The following PIK3C2G variants were observed in gnomAD, a reference collection of about 807,000 sequenced individuals.
The protein encoded by PIK3C2G is phosphatidylinositol 3-kinase C2 domain-containing subunit gamma.
A neutral mutation model predicts 181.1 loss-of-function variants in PIK3C2G; 168 were observed. The ratio of observed to expected loss-of-function variants is 0.93; its 90% CI spans 0.82 to 1.05. The LOEUF (loss-of-function observed/expected upper bound fraction) is 1.05. Ranked by LOEUF, PIK3C2G falls within the 50% of genes least tolerant of loss-of-function variation. The probability of loss-of-function intolerance (pLI) is 0.00; values close to 1 mark genes in which losing one functional copy is unlikely to be tolerated. For missense variants in PIK3C2G, 1,869 were observed against 1,732.8 expected, an observed-to-expected ratio of 1.08 and a Z score of -1.40; for synonymous variants, 573 against 592.2, an observed-to-expected ratio of 0.97 and a Z score of 0.47.
intron 29 of PIK3C2G, among the ~76,000 whole-genome samples, chr12:18,567,558 A>G (rs868799037): frequency 6.6e-6 from 1 of 151,956 alleles, no homozygotes; most frequent in South Asian, 2.1e-4. Flanking sequence ...TATGTGATAA[A>G]TGGACTATCA....
chr12:18,652,903 A>G (rs1950579049), downstream of PIK3C2G, among the ~76,000 whole-genome samples: 1 of 152,006 alleles, frequency 6.6e-6, no homozygotes, highest in Non-Finnish European at 1.5e-5. Context: ...ATATATGTAT[A>G]TGTTCAGAAT....
intron 1 of PIK3C2G, among the ~76,000 whole-genome samples, chr12:18,273,249 T>C (rs1948822746): frequency 6.6e-6 from 1 of 152,224 alleles, no homozygotes; most frequent in African/African-American, 2.4e-5. Flanking sequence ...CCATTGCTTG[T>C]TTTTGTCAGG....
At chr12:18,431,305 G>A (rs1946146299) in intron 18 of PIK3C2G, among the ~76,000 whole-genome samples, 3 of 152,132 alleles carry the variant, frequency 2.0e-5, no homozygotes, top group Admixed American at 2.0e-4. Context: ...ATAAAACAAA[G>A]GATGATCCTT....
intron 10 of PIK3C2G, among the ~76,000 whole-genome samples, chr12:18,345,272 A>G (rs1357507189): frequency 6.6e-6 from 1 of 152,104 alleles, no homozygotes; most frequent in African/African-American, 2.4e-5. Context: ...CTATTTTTAC[A>G]CTGCTTTACT....
intron 30 of PIK3C2G, among the ~76,000 whole-genome samples, chr12:18,595,695 C>T (rs906039416): frequency 6.6e-6 from 1 of 152,106 alleles, no homozygotes; most frequent in African/African-American, 2.4e-5. Flanking sequence ...CCACTTGTGA[C>T]CTGCACAGTC....
At chr12:18,527,605 T>C (rs1479118417) in intron 24 of PIK3C2G, among the ~76,000 whole-genome samples, 1 of 152,036 alleles carries the variant, frequency 6.6e-6, no homozygotes, top group Non-Finnish European at 1.5e-5. Flanking sequence ...GTTTCAAGTA[T>C]AGACTGGAAT....
Position 18,293,944 on chromosome 12 carries a change from T to G in PIK3C2G, c.963T>G (p.Phe321Leu). 1 of 1,597,764 alleles carries G rather than the reference T, an allele frequency of 6.3e-7. No homozygotes were observed. The highest frequency in any genetic ancestry group is 8.6e-7 in the Non-Finnish European group (1 of 1,165,358). The change falls in exon 5 of 33, where the codon TTT (phenylalanine) becomes TTG (leucine). Residue 321 changes from phenylalanine to leucine, a missense_variant. Transcript: ENST00000538779. ...ATCTAATTGCAGAAATTCTGCATTT[T>G]TGCACAAATGACCAGCTACTCCCCA... is the stretch of plus-strand genomic sequence containing the variant. ...VKDLIAEILH[F>L]CTNDQLLPKD... is the part of the protein sequence containing the mutation.
intron 18 of PIK3C2G, among the ~76,000 whole-genome samples, chr12:18,439,567 C>G (rs1015728007): frequency 2.0e-5 from 3 of 150,034 alleles, no homozygotes; most frequent in African/African-American, 7.4e-5. Context: ...TTCCCACCAA[C>G]TTTCTGAGCC....
the PIK3C2G span, among the ~76,000 whole-genome samples, chr12:18,681,490 A>G: frequency 6.6e-6 from 1 of 152,066 alleles, no homozygotes; most frequent in Admixed American, 6.6e-5. Flanking sequence ...AAATGTGAGA[A>G]CATTCCCTGA....
At chr12:18,719,308 C>T in the PIK3C2G span, 1 of 506,814 alleles carries the variant, frequency 2.0e-6, no homozygotes, top group Non-Finnish European at 3.2e-6. Flanking sequence ...ATTTCTATTC[C>T]CTATGAGTTT....
At chr12:18,698,283 T>TTCTAC in the PIK3C2G span, among the ~76,000 whole-genome samples, 6 of 151,566 alleles carry the variant, frequency 4.0e-5, no homozygotes, top group African/African-American at 7.3e-5. Context: ...TTCTATTCTA[T>TTCTAC]TCTACTCCAT....
chr12:18,285,313 G>A (rs10770350), intron 2 of PIK3C2G: 67,646 of 151,552 alleles, frequency 0.45, 15,317 homozygotes, highest in Non-Finnish European at 0.5. Flanking sequence ...ACCGTAAACA[G>A]ATGCTGAAAG....
At chr12:18,630,588 G>A (rs1328518638) in intron 31 of PIK3C2G, among the ~76,000 whole-genome samples, 4 of 152,010 alleles carry the variant, frequency 2.6e-5, no homozygotes, top group African/African-American at 9.7e-5. Context: ...GTGGAGTCGG[G>A]GAAGAAGTGG....
chr12:18,714,000 T>C, the PIK3C2G span, among the ~76,000 whole-genome samples: 1 of 152,170 alleles, frequency 6.6e-6, no homozygotes, highest in Admixed American at 6.5e-5. Context: ...TGGAAGCTGA[T>C]TGCATTCAGA....
the PIK3C2G span, chr12:18,683,339 A>T: frequency 2.5e-6 from 4 of 1,610,304 alleles, no homozygotes; most frequent in Non-Finnish European, 3.4e-6. Context: ...AAAAGGAATT[A>T]TATCTAATTA....
upstream of PIK3C2G, among the ~76,000 whole-genome samples, chr12:18,259,184 A>T (rs1392791979): frequency 6.6e-6 from 1 of 152,084 alleles, no homozygotes; most frequent in Non-Finnish European, 1.5e-5. Context: ...ACCACATTAT[A>T]ACCTGTACTA....
At chr12:18,579,566 T>TCC (rs1326330949) in intron 29 of PIK3C2G, among the ~76,000 whole-genome samples, 1 of 152,008 alleles carries the variant, frequency 6.6e-6, no homozygotes, top group African/African-American at 2.4e-5. Flanking sequence ...TCTCTCTCTC[T>TCC]CCCACACACA....
the PIK3C2G span, chr12:18,692,796 G>A: frequency 5.4e-4 from 801 of 1,475,124 alleles, 1 homozygote; most frequent in African/African-American, 0.01. Context: ...TCATGGTCCT[G>A]GAGGTGGCAA....
rs985975741 is a variant in PIK3C2G at position 18,343,325 on chromosome 12, A to C, written c.1396-2A>C. 9.6e-6 allele frequency: 13 copies of C among 1,354,024 alleles called. No individual in the cohort carries two copies. The highest frequency in any genetic ancestry group is 8.5e-5 in the Admixed American group (4 of 46,880). 83.9% of individuals were successfully genotyped at this position (1,354,024 alleles called of 1,614,324 possible). A position where few individuals can be genotyped will look rare whatever the true frequency, so the allele number is the denominator to read the frequency against. ...CAAGTATAATTTTACATTTTTTTTC[A>C]GAATTTTTATCAAAGTTCAGAGACT... On this transcript the variant is annotated splice_acceptor_variant, in intron 9 of 32. Transcript: ENST00000538779. LOFTEE classifies it high-confidence loss of function.
Sources: allele counts gnomAD v4.1 joint callset (sites outside exome capture counted in the v4.1 genomes callset), GRCh38; gene constraint gnomAD v4.1.1; transcripts MANE v1.5; gene names NCBI Gene and HGNC (gene_info 2026-07-23, HGNC 2026-07-21).